The following RAP1GDS1 variants were observed in gnomAD, a reference collection of about 807,000 sequenced individuals.
RAP1GDS1 encodes the protein RAP1, GTP-GDP dissociation stimulator 1.
RAP1GDS1 carries 35 observed loss-of-function variants against 71.1 expected under a neutral mutation model. The ratio of observed to expected loss-of-function variants is 0.49; its 90% CI spans 0.38 to 0.65. The LOEUF (loss-of-function observed/expected upper bound fraction) is 0.65, where lower values mean the gene tolerates loss of function less well. Among genes scored for constraint, RAP1GDS1 ranks in the 30% least tolerant of loss-of-function variants. RAP1GDS1 has a pLI of 0.00. For synonymous variants in RAP1GDS1, 229 were observed against 243.1 expected, an observed-to-expected ratio of 0.94 and a Z score of 0.54; for missense variants, 663 against 706.1, an observed-to-expected ratio of 0.94 and a Z score of 0.69.
At chr4:98,288,630 T>C (rs1287146578) in intron 1 of RAP1GDS1, among the ~76,000 whole-genome samples, 4 of 152,216 alleles carry the variant, frequency 2.6e-5, no homozygotes, top group South Asian at 2.1e-4. Flanking sequence ...ATGGTTGAAC[T>C]GGTTTACCGT....
At chr4:98,422,437 C>CA (rs1312138538) in intron 12 of RAP1GDS1, among the ~76,000 whole-genome samples, 1 of 151,984 alleles carries the variant, frequency 6.6e-6, no homozygotes, top group African/African-American at 2.4e-5. Context: ...AGGCTGGCCT[C>CA]AAACTCCTGA....
chr4:98,443,028 T>G lies in RAP1GDS1; in HGVS notation c.*911T>G, dbSNP rs1752080074. 2 of 217,002 alleles carry G rather than the reference T, an allele frequency of 9.2e-6. No homozygotes were observed. The highest frequency in any genetic ancestry group is 1.4e-3 in the Middle Eastern group (1 of 698). 13.4% of individuals were successfully genotyped at this position (217,002 alleles called of 1,614,324 possible). A position where few individuals can be genotyped will look rare whatever the true frequency, so the allele number is the denominator to read the frequency against. ...TTGAAGAATGGAATTTTTTTTTTTT[T>G]TTTTTTTTTTGCTGTTTTTCATCAT... is the stretch of plus-strand genomic sequence containing the variant. On this transcript the variant is annotated 3_prime_UTR_variant, in exon 15 of 15. Coordinates refer to ENST00000408927, the MANE Select transcript of RAP1GDS1 (RefSeq NM_001100427.2).
chr4:98,324,424 A>C (rs1265891121), intron 2 of RAP1GDS1, among the ~76,000 whole-genome samples: 29 of 152,042 alleles, frequency 1.9e-4, no homozygotes, highest in East Asian at 5.8e-4. Flanking sequence ...AAACTACTTT[A>C]AAGTTCATAT....
intron 6 of RAP1GDS1, among the ~76,000 whole-genome samples, chr4:98,393,516 A>AAAT: frequency 6.6e-6 from 1 of 152,340 alleles, no homozygotes; most frequent in African/African-American, 2.4e-5. Flanking sequence ...TGGTTGGCAG[A>AAAT]AATAAAACAG....
intron 2 of RAP1GDS1, among the ~76,000 whole-genome samples, chr4:98,318,983 C>G (rs777447260): frequency 1.9e-4 from 29 of 152,018 alleles, no homozygotes; most frequent in Admixed American, 3.3e-4. Flanking sequence ...TGCTGTAGTT[C>G]TCTGGGGGGG....
chr4:98,345,446 G>A (rs1040213029), intron 3 of RAP1GDS1, among the ~76,000 whole-genome samples: 4 of 152,136 alleles, frequency 2.6e-5, no homozygotes, highest in African/African-American at 7.2e-5. Flanking sequence ...TTCCGTGGGC[G>A]AGTTTAATGT....
At chr4:98,277,534 A>G (rs181945920) in intron 1 of RAP1GDS1, among the ~76,000 whole-genome samples, 36 of 152,092 alleles carry the variant, frequency 2.4e-4, no homozygotes, top group African/African-American at 8.4e-4. Flanking sequence ...CTGTTATTAT[A>G]TTATTTCTTC....
rs1408856844 is a variant in RAP1GDS1, at chr4:98,263,732, A to G, written c.4+2163A>G. 2.6e-5 allele frequency among the ~76,000 whole-genome samples: 4 copies of G among 152,308 alleles called. No individual in the cohort carries two copies. In the Middle Eastern group the frequency reaches 0.01, roughly 389 times the overall value. ...CAAATTGTTGAACTTAAAGCCACCT[A>G]TTATTTTCAACTTTTGAACCTGAAG... is the stretch of plus-strand genomic sequence containing the variant. On this transcript the variant is annotated intron_variant, in intron 1 of 14. Transcript: ENST00000408927.
chr4:98,429,272 AAG>A (rs1057174433), intron 12 of RAP1GDS1, among the ~76,000 whole-genome samples: 8 of 151,622 alleles, frequency 5.3e-5, no homozygotes, highest in African/African-American at 1.9e-4. Flanking sequence ...AAAAAAAAAA[AAG>A]AAAAGAAACT....
intron 1 of RAP1GDS1, among the ~76,000 whole-genome samples, chr4:98,282,376 G>A (rs1213020216): frequency 6.6e-6 from 1 of 152,136 alleles, no homozygotes; most frequent in Non-Finnish European, 1.5e-5. Flanking sequence ...ATTTCTTCTA[G>A]ATTTTCTAGT....
intron 4 of RAP1GDS1, among the ~76,000 whole-genome samples, chr4:98,371,571 G>A (rs141065995): frequency 2.0e-4 from 31 of 152,102 alleles, no homozygotes; most frequent in African/African-American, 6.7e-4. Context: ...CTACCTCCCA[G>A]GTTTAAGTGA....
Position 98,337,429 on chromosome 4 carries a change from T to G in RAP1GDS1, c.113-5710T>G, listed in dbSNP as rs561234640. Among the ~76,000 whole-genome samples the G allele has an allele frequency of 3.9e-5, 6 of 152,366 alleles. No homozygotes were observed. In the South Asian group the frequency reaches 1.2e-3, roughly 32 times the overall value. On this transcript the variant is annotated intron_variant, in intron 2 of 14. Coordinates refer to ENST00000408927, the MANE Select transcript of RAP1GDS1 (RefSeq NM_001100427.2). ...TATAACTTCTAAATGACAGTTGTAG[T>G]AGGAAGAGCTTTGGAGAAGAAATCA...
chr4:98,265,397 C>T (rs1032555589), intron 1 of RAP1GDS1, among the ~76,000 whole-genome samples: 2 of 152,250 alleles, frequency 1.3e-5, no homozygotes, highest in East Asian at 3.9e-4. Context: ...TTAGTCTCTG[C>T]TCCTTGATAA....
intron 2 of RAP1GDS1, among the ~76,000 whole-genome samples, chr4:98,314,490 A>T (rs1174501357): frequency 6.6e-6 from 1 of 152,164 alleles, no homozygotes; most frequent in Non-Finnish European, 1.5e-5. Flanking sequence ...AATACATGTA[A>T]CTTGCTTCAT....
chr4:98,418,876 C>T, intron 10 of RAP1GDS1, 85 bp downstream of exon 10: 1 of 1,306,370 alleles, frequency 7.7e-7, no homozygotes, highest in Admixed American at 3.1e-5. Context: ...ATTTGTGAAC[C>T]TGCTCTGATG....
intron 1 of RAP1GDS1, among the ~76,000 whole-genome samples, chr4:98,282,156 A>G (rs564513367): frequency 8.5e-5 from 13 of 152,148 alleles, no homozygotes; most frequent in African/African-American, 3.1e-4. Flanking sequence ...CTCTTTTTCT[A>G]TTGATTGGAA....
chr4:98,304,339 C>T (rs970436435), intron 2 of RAP1GDS1, among the ~76,000 whole-genome samples: 2 of 152,180 alleles, frequency 1.3e-5, no homozygotes, highest in Admixed American at 6.5e-5. Context: ...CCTATTTCTC[C>T]ACAGCCTTGC....
chr4:98,320,495 G>A (rs1223056353), intron 2 of RAP1GDS1, among the ~76,000 whole-genome samples: 4 of 152,226 alleles, frequency 2.6e-5, no homozygotes, highest in East Asian at 1.9e-4. Context: ...CGTGAGCAAC[G>A]CAGAAGACGG....
chr4:98,420,549 C>T (rs541082615), intron 11 of RAP1GDS1, among the ~76,000 whole-genome samples: 1 of 151,982 alleles, frequency 6.6e-6, no homozygotes, highest in African/African-American at 2.4e-5. Flanking sequence ...TGGAATTTCA[C>T]TAGACATGGG....
Sources: gnomAD v4.1 joint callset for allele counts (sites outside exome capture counted in the v4.1 genomes callset) on GRCh38, gnomAD v4.1.1 for gene constraint, MANE v1.5 for transcripts, NCBI Gene and HGNC (gene_info 2026-07-23, HGNC 2026-07-21) for gene names.